DKK2: variants seen among roughly 807,000 people sequenced by gnomAD.
DKK2 encodes the protein dickkopf Wnt signaling pathway inhibitor 2, also known as dickkopf-related protein 2.
In DKK2, 11 loss-of-function variants were observed where a neutral mutation model predicts 28.1. The ratio of observed to expected loss-of-function variants is 0.39; its 90% CI spans 0.25 to 0.65. The LOEUF (loss-of-function observed/expected upper bound fraction) is 0.65, where lower values mean the gene tolerates loss of function less well. Among genes scored for constraint, DKK2 ranks in the 30% least tolerant of loss-of-function variants. The probability of loss-of-function intolerance (pLI) is 0.47; values close to 1 mark genes in which losing one functional copy is unlikely to be tolerated. For missense variants in DKK2, 326 were observed against 335.5 expected (o/e 0.97, Z 0.22); for synonymous variants, 135 against 126.5 (o/e 1.07, Z -0.45).
intron 1 of DKK2, among the ~76,000 whole-genome samples, chr4:106,935,912 G>A (rs979962837): frequency 3.3e-5 from 5 of 152,270 alleles, no homozygotes; most frequent in East Asian, 1.9e-4. Flanking sequence ...GGTCCTGTCC[G>A]TTAGAAGGAA....
rs559784538 is a variant in DKK2, at chr4:107,035,475, C to T, written c.117G>A (p.Lys39=). The change falls in exon 1 of 4, where the codon AAG becomes AAA. Residue 39 remains lysine (K), a synonymous_variant. Coordinates refer to ENST00000285311, the MANE Select transcript of DKK2 (RefSeq NM_014421.3). ...CAGGCGTCTCCCCGCCCAGAGAGGA[C>T]TTGATGGAGTTGAGTTTGGCCCGCG... The part of the protein sequence containing the change: ...GSSRAKLNSI[K]SSLGGETPGQ... 1.9e-6 allele frequency: 3 copies of T among 1,614,218 alleles called. No homozygotes were observed. In the East Asian group the frequency reaches 6.7e-5, roughly 36 times the overall value.
At chr4:106,945,723 A>G (rs569525971) in intron 1 of DKK2, among the ~76,000 whole-genome samples, 2 of 152,270 alleles carry the variant, frequency 1.3e-5, no homozygotes, top group East Asian at 3.9e-4. Context: ...GTCCTCAACC[A>G]TATCCAATCA....
At chr4:107,023,214 T>C (rs1337699964) in intron 1 of DKK2, among the ~76,000 whole-genome samples, 6 of 152,142 alleles carry the variant, frequency 3.9e-5, no homozygotes, top group Non-Finnish European at 7.4e-5. Context: ...AATTAATTAC[T>C]TTTGCTCACA....
intron 1 of DKK2, among the ~76,000 whole-genome samples, chr4:106,962,838 A>G (rs1348354474): frequency 6.6e-6 from 1 of 152,096 alleles, no homozygotes; most frequent in Non-Finnish European, 1.5e-5. Flanking sequence ...AATAGGATAA[A>G]ATATTAGCAA....
At chr4:106,994,352 C>T (rs1309312842) in intron 1 of DKK2, among the ~76,000 whole-genome samples, 1 of 152,132 alleles carries the variant, frequency 6.6e-6, no homozygotes, top group Non-Finnish European at 1.5e-5. Flanking sequence ...TCAGAGTTCA[C>T]TTATACAATT....
At chr4:107,028,955 T>C (rs1723834680) in intron 1 of DKK2, among the ~76,000 whole-genome samples, 1 of 152,174 alleles carries the variant, frequency 6.6e-6, no homozygotes, top group Non-Finnish European at 1.5e-5. Flanking sequence ...TACTTTCTAC[T>C]TGGGGTGACA....
In DKK2 at chr4:106,922,727, A is replaced by C. The variant is rs1490202241; in HGVS notation, c.*1227T>G. The C allele has an allele frequency of 6.6e-6, 1 of 152,196 alleles. No homozygotes were observed. Among genetic ancestry groups the C allele is most frequent in the Non-Finnish European group, 1.5e-5 (1 of 68,036 alleles). The allele number at this position is 152,196 out of a possible 1,614,324, so 9.4% of individuals were successfully genotyped here. ...TAAATAATTTGAGGATAGTACGGACACAGGACCTCACACTGAATTCATCTG... is the reference window on the plus strand; with the variant it reads ...TAAATAATTTGAGGATAGTACGGACCCAGGACCTCACACTGAATTCATCTG... On this transcript the variant is annotated 3_prime_UTR_variant, in exon 4 of 4. Transcript: ENST00000285311.
chr4:106,930,029 T>C (rs1290214104), intron 1 of DKK2, among the ~76,000 whole-genome samples: 1 of 152,122 alleles, frequency 6.6e-6, no homozygotes, highest in Non-Finnish European at 1.5e-5. Flanking sequence ...TGGCCACATC[T>C]CTTTCTAGAA....
chr4:106,979,798 C>T (rs1722999494), intron 1 of DKK2, among the ~76,000 whole-genome samples: 2 of 152,226 alleles, frequency 1.3e-5, no homozygotes, highest in East Asian at 1.9e-4. Flanking sequence ...CACTCAGGCA[C>T]AGATGCAGTT....
intron 1 of DKK2, among the ~76,000 whole-genome samples, chr4:106,929,316 C>A (rs1444445276): frequency 6.6e-6 from 1 of 152,020 alleles, no homozygotes; most frequent in East Asian, 1.9e-4. Flanking sequence ...TCCTTTTTGT[C>A]TGAGGAACAA....
chr4:107,021,818 A>G (rs1723697035), intron 1 of DKK2, among the ~76,000 whole-genome samples: 1 of 152,114 alleles, frequency 6.6e-6, no homozygotes, highest in South Asian at 2.1e-4. Context: ...TCAATTCTTT[A>G]CAATGTCAGC....
At chr4:107,026,312 T>A (rs1376607661) in intron 1 of DKK2, among the ~76,000 whole-genome samples, 4 of 152,138 alleles carry the variant, frequency 2.6e-5, no homozygotes, top group Non-Finnish European at 4.4e-5. Context: ...GTTAAGAAGG[T>A]TTTTCACACT....
At chr4:106,988,277 C>A (rs115141340) in intron 1 of DKK2, among the ~76,000 whole-genome samples, 3,468 of 152,212 alleles carry the variant, frequency 0.023, 45 homozygotes, top group Middle Eastern at 0.037. Flanking sequence ...CAGCCTGATT[C>A]CAAGCTCTGT....
intron 1 of DKK2, among the ~76,000 whole-genome samples, chr4:106,955,451 C>T (rs983052606): frequency 1.3e-5 from 2 of 152,196 alleles, no homozygotes; most frequent in African/African-American, 2.4e-5. Context: ...GGAACAGCCA[C>T]ACCACAGTGT....
At chr4:107,030,613 C>T (rs569271656) in intron 1 of DKK2, among the ~76,000 whole-genome samples, 1 of 152,064 alleles carries the variant, frequency 6.6e-6, no homozygotes, top group South Asian at 2.1e-4. Flanking sequence ...AAAACAACTC[C>T]AACAGGCCGT....
chr4:106,947,818 G>T (rs1724800492), intron 1 of DKK2, among the ~76,000 whole-genome samples: 1 of 151,888 alleles, frequency 6.6e-6, no homozygotes, highest in Middle Eastern at 3.2e-3. Flanking sequence ...GGGGCTGCAG[G>T]TGTATACCAC....
intron 1 of DKK2, among the ~76,000 whole-genome samples, chr4:107,029,024 G>A (rs983853079): frequency 2.0e-5 from 3 of 151,090 alleles, no homozygotes; most frequent in African/African-American, 4.8e-5. Context: ...ATGGGAGGAC[G>A]GGGGGCAAGT....
At chr4:106,957,942 T>A (rs1025465848) in intron 1 of DKK2, among the ~76,000 whole-genome samples, 10 of 150,626 alleles carry the variant, frequency 6.6e-5, no homozygotes, top group African/African-American at 1.7e-4. Context: ...TAATTAATTT[T>A]AAAAAAGATG....
At chr4:106,976,507 C>G (rs1722948022) in intron 1 of DKK2, among the ~76,000 whole-genome samples, 1 of 152,088 alleles carries the variant, frequency 6.6e-6, no homozygotes. Flanking sequence ...CCTTCTTTGT[C>G]TTTTTTGATC....
Sources: allele counts gnomAD v4.1 joint callset (sites outside exome capture counted in the v4.1 genomes callset), GRCh38; gene constraint gnomAD v4.1.1; transcripts MANE v1.5; gene names NCBI Gene and HGNC (gene_info 2026-07-23, HGNC 2026-07-21).